The following GLIS2 variants were observed in gnomAD, a reference collection of about 807,000 sequenced individuals.
The protein encoded by GLIS2 is zinc finger protein GLIS2.
A neutral mutation model predicts 35.6 loss-of-function variants in GLIS2; 14 were observed. The ratio of observed to expected loss-of-function variants is 0.39; its 90% CI spans 0.26 to 0.61. GLIS2 has a LOEUF of 0.61. GLIS2 is among the 20% of genes least tolerant of loss of function. The pLI is 0.48. For missense variants in GLIS2, 675 were observed against 713.4 expected, an observed-to-expected ratio of 0.95 and a Z score of 0.61; for synonymous variants, 368 against 325.1, an observed-to-expected ratio of 1.13 and a Z score of -1.42.
intron 1 of GLIS2, among the ~76,000 whole-genome samples, chr16:4,318,721 T>G (rs2053342546): frequency 6.6e-6 from 1 of 152,204 alleles, no homozygotes; most frequent in African/African-American, 2.4e-5. Context: ...GGCCTGGCCT[T>G]GGCCCCGGGC....
At chr16:4,322,596 C>G (rs1012259185) in intron 1 of GLIS2, among the ~76,000 whole-genome samples, 1 of 152,122 alleles carries the variant, frequency 6.6e-6, no homozygotes, top group South Asian at 2.1e-4. Flanking sequence ...TGACCCGGAT[C>G]TGTGCCCAAC....
intron 6 of GLIS2, 26 bp from the exon 7 acceptor site, chr16:4,336,699 C>A (rs201898304): frequency 5.4e-4 from 842 of 1,571,268 alleles, no homozygotes; most frequent in Non-Finnish European, 6.8e-4. Flanking sequence ...CCCCTCATGG[C>A]GGCACTGCAC....
intron 1 of GLIS2, among the ~76,000 whole-genome samples, chr16:4,317,997 G>A (rs1285420443): frequency 2.6e-5 from 4 of 152,192 alleles, no homozygotes; most frequent in African/African-American, 9.7e-5. Context: ...CCCTGGCCCA[G>A]GCCCCCTGGG....
chr16:4,326,569 G>C (rs1352837283), intron 1 of GLIS2: 1 of 152,218 alleles, frequency 6.6e-6, no homozygotes, highest in African/African-American at 2.4e-5. Context: ...CACAGGCTTA[G>C]GGCCTGCCAG....
chr16:4,319,555 G>A (rs1404255418), intron 1 of GLIS2, among the ~76,000 whole-genome samples: 1 of 152,306 alleles, frequency 6.6e-6, no homozygotes, highest in Admixed American at 6.5e-5. Flanking sequence ...GGGGACCACA[G>A]CCCTAGCGAG....
chr16:4,337,628 G>A lies in GLIS2; in HGVS notation c.*104G>A. On this transcript the variant is annotated 3_prime_UTR_variant, in exon 7 of 7. Transcript: ENST00000433375. ...ATAGCAATAATGTCCTACTGCCCGG[G>A]CAGCCCCAGCCCAGCCCGCCGGGAG... 1 of 1,491,756 alleles carries A rather than the reference G, an allele frequency of 6.7e-7. No homozygotes were observed. The highest frequency in any genetic ancestry group is 9.0e-7 in the Non-Finnish European group (1 of 1,108,828). 92.4% of individuals were successfully genotyped at this position (1,491,756 alleles called of 1,614,324 possible). A position where few individuals can be genotyped will look rare whatever the true frequency, so the allele number is the denominator to read the frequency against.
rs370103330 is a variant in GLIS2 at position 4,332,706 on chromosome 16, G to A, written c.172+254G>A. On this transcript the variant is annotated intron_variant, in intron 2 of 6. Transcript: ENST00000433375. This position sits in a 1 kb window ranked among gnomAD's most constrained non-coding sequence, Gnocchi z 5.4. Reference sequence around the variant, plus strand: ...AGGCAGATCTGGAACAGAGCTGGTCGGGCAACCAGGCATTCAGAAGGAGCG... The same window carrying A: ...AGGCAGATCTGGAACAGAGCTGGTCAGGCAACCAGGCATTCAGAAGGAGCG... Among the ~76,000 whole-genome samples, 48 of 152,320 alleles carry A rather than the reference G, an allele frequency of 3.2e-4. 1 individual carries two copies. The East Asian group carries it at 8.7e-3, about 28-fold the overall frequency.
intron 1 of GLIS2, among the ~76,000 whole-genome samples, chr16:4,318,013 C>T (rs1160416947): frequency 6.6e-6 from 1 of 152,156 alleles, no homozygotes; most frequent in Non-Finnish European, 1.5e-5. Flanking sequence ...CTGGGGAGTT[C>T]TCTCCTTGCT....
At chr16:4,316,414 T>C (rs1468954077) in intron 1 of GLIS2, among the ~76,000 whole-genome samples, 160 bp downstream of exon 1, 1 of 146,658 alleles carries the variant, frequency 6.8e-6, no homozygotes, top group African/African-American at 2.5e-5. Flanking sequence ...CCGCGTTCGC[T>C]CGCTCGCTGG....
In GLIS2 at chr16:4,337,220, G is replaced by T; in HGVS notation, c.1271G>T (p.Gly424Val). The change falls in exon 7 of 7, where the codon GGC becomes GTC. Residue 424 changes from glycine (G) to valine (V), a missense_variant. Transcript: ENST00000433375. ...NPLLPSPFGA[G>V]GLGLPVVSLL... The stretch of plus-strand genomic sequence containing the variant: ...CTGCTGCCCTCGCCCTTTGGGGCTG[G>T]CGGACTGGGCTTGCCTGTGGTCTCC... 1.1e-5 allele frequency: 17 copies of T among 1,547,574 alleles called. No individual in the cohort carries two copies. The highest frequency in any genetic ancestry group is 1.5e-5 in the Non-Finnish European group (17 of 1,147,074).
intron 1 of GLIS2, chr16:4,325,445 G>A (rs2053420437): frequency 6.6e-6 from 1 of 152,286 alleles, no homozygotes; most frequent in Non-Finnish European, 1.5e-5. Context: ...GTGGCTTCTG[G>A]TTGTGGGTTT....
intron 1 of GLIS2, among the ~76,000 whole-genome samples, chr16:4,329,783 C>T (rs1468821211): frequency 2.0e-5 from 3 of 152,182 alleles, no homozygotes; most frequent in Admixed American, 6.5e-5. Context: ...CCCAATACCG[C>T]GAAAGACGGG....
At chr16:4,336,635 G>T in intron 6 of GLIS2, 90 bp from the exon 7 acceptor site, 1 of 1,304,872 alleles carries the variant, frequency 7.7e-7, no homozygotes, top group Non-Finnish European at 1.1e-6. Context: ...CCCAGGGAGT[G>T]CTTGGCCCGG....
chr16:4,333,304 G>A lies in GLIS2; in HGVS notation c.173-43G>A, dbSNP rs757216628. The A allele has an allele frequency of 7.5e-6, 12 of 1,609,936 alleles. No individual in the cohort carries two copies. The South Asian group carries it at 1.1e-4, about 15-fold the overall frequency. On this transcript the variant is annotated intron_variant, in intron 2 of 6. Coordinates refer to ENST00000433375, the MANE Select transcript of GLIS2 (RefSeq NM_032575.3). ...GAGGCAGGAGTACCTGGCCCACTGG[G>A]ACTCTACACTCCAGCACACCCTGAA... is the stretch of plus-strand genomic sequence containing the variant.
chr16:4,334,329 C>T (rs1567223231), intron 3 of GLIS2, among the ~76,000 whole-genome samples: 1 of 151,632 alleles, frequency 6.6e-6, no homozygotes, highest in South Asian at 2.1e-4. Flanking sequence ...CCTCTGCCTC[C>T]CAGGTTCAAG....
rs1419546960 is a variant in GLIS2, at chr16:4,316,079, C to G, written c.-242C>G. ...GGCCGCCGCGGCCACCTTCCCTGCCCGAGCTGCAGATGTGGCGGAGCGGCC... is the reference window on the plus strand; with the variant it reads ...GGCCGCCGCGGCCACCTTCCCTGCCGGAGCTGCAGATGTGGCGGAGCGGCC... On this transcript the variant is annotated 5_prime_UTR_variant, in exon 1 of 7. Coordinates refer to ENST00000433375, the MANE Select transcript of GLIS2 (RefSeq NM_032575.3). Among the ~76,000 whole-genome samples, 1 of 145,266 alleles carries G rather than the reference C, an allele frequency of 6.9e-6. No individual in the cohort carries two copies. The highest frequency in any genetic ancestry group is 6.7e-5 in the Admixed American group (1 of 14,864).
At chr16:4,336,466 G>C (rs1357616660) in intron 6 of GLIS2, 4 of 608,748 alleles carry the variant, frequency 6.6e-6, no homozygotes, top group Non-Finnish European at 1.2e-5. Flanking sequence ...ATGTTCTGCT[G>C]CTGAAAGGCA....
At chr16:4,315,852 T>C (rs1158705096), upstream of GLIS2, among the ~76,000 whole-genome samples, 6 of 143,088 alleles carry the variant, frequency 4.2e-5, no homozygotes, top group East Asian at 1.4e-3. Context: ...GCCTGGCAGC[T>C]GGCGCCCCGG....
At position 4,320,993 on chromosome 16, in the gene GLIS2, G is replaced by A. The variant is rs958828771; in HGVS notation, c.-67+4739G>A. On this transcript the variant is annotated intron_variant, in intron 1 of 6. Transcript: ENST00000433375. The surrounding 1 kb of genome is among the most constrained non-coding windows in gnomAD (Gnocchi z 5.6). ...GGGTGTTCCCCTTTGGAAGGAAAAG[G>A]ACCTCGATGGCTTTGGAGGCTGTCC... is the stretch of plus-strand genomic sequence containing the variant. 3.9e-5 allele frequency among the ~76,000 whole-genome samples: 6 copies of A among 152,204 alleles called. No homozygotes were observed. The highest frequency in any genetic ancestry group is 1.4e-4 in the African/African-American group (6 of 41,452).
Sources: allele counts gnomAD v4.1 joint callset (sites outside exome capture counted in the v4.1 genomes callset), GRCh38; gene constraint gnomAD v4.1.1; non-coding constraint Gnocchi (gnomAD v3.1); transcripts MANE v1.5; gene names NCBI Gene and HGNC (gene_info 2026-07-23, HGNC 2026-07-21).